Variants in GPC6 observed in about 807,000 individuals in gnomAD.
The protein encoded by GPC6 is glypican 6, also known as glypican-6.
GPC6 carries 14 observed loss-of-function variants against 55.2 expected under a neutral mutation model. That is an observed-to-expected ratio of 0.25 (90% CI 0.17 to 0.40). GPC6 has a LOEUF of 0.40. Among genes scored for constraint, GPC6 ranks in the 10% least tolerant of loss-of-function variants. GPC6 has a pLI of 1.00. For synonymous variants in GPC6, 278 were observed against 259.6 expected (o/e 1.07, Z -0.68); for missense variants, 641 against 708.5 (o/e 0.90, Z 1.08).
intron 1 of GPC6, among the ~76,000 whole-genome samples, chr13:93,461,627 G>A (rs1001684521): frequency 2.4e-5 from 3 of 126,536 alleles, no homozygotes; most frequent in African/African-American, 3.0e-5. Flanking sequence ...GCTAGTTCAA[G>A]CCATATGTTT....
At chr13:93,684,271 C>T (rs141123260) in intron 2 of GPC6, among the ~76,000 whole-genome samples, 147 of 152,152 alleles carry the variant, frequency 9.7e-4, no homozygotes, top group African/African-American at 3.4e-3. Flanking sequence ...CTGCAACCTG[C>T]GCCTCCTGGG....
At chr13:94,274,800 G>A (rs1594121586) in intron 4 of GPC6, among the ~76,000 whole-genome samples, 1 of 151,182 alleles carries the variant, frequency 6.6e-6, no homozygotes, top group Non-Finnish European at 1.5e-5. Context: ...AGAAGCAAAA[G>A]CAGCCACACT....
intron 1 of GPC6, among the ~76,000 whole-genome samples, chr13:93,406,801 G>A (rs1876309003): frequency 6.6e-6 from 1 of 152,066 alleles, no homozygotes; most frequent in African/African-American, 2.4e-5. Context: ...ACTCATTAAG[G>A]AACCATCAGA....
At position 94,032,357 on chromosome 13, in the gene GPC6, G is replaced by T. The variant is rs1489270446; in HGVS notation, c.877+4463G>T. Among the ~76,000 whole-genome samples the T allele has an allele frequency of 4.6e-5, 7 of 152,282 alleles. No homozygotes were observed. The South Asian group carries it at 1.5e-3, about 32-fold the overall frequency. On this transcript the variant is annotated intron_variant, in intron 4 of 8. Coordinates refer to ENST00000377047, the MANE Select transcript of GPC6 (RefSeq NM_005708.5). Reference sequence around the variant, plus strand: ...AGCTGGGGGACTTAACTTAGTCAGCGGGGAGTCAGAGAAGCCCTACTTTGT... The same window carrying T: ...AGCTGGGGGACTTAACTTAGTCAGCTGGGAGTCAGAGAAGCCCTACTTTGT...
intron 3 of GPC6, among the ~76,000 whole-genome samples, chr13:93,889,363 T>G (rs1232059483): frequency 6.6e-6 from 1 of 152,130 alleles, no homozygotes; most frequent in African/African-American, 2.4e-5. Context: ...TTTGCATCCT[T>G]CCACTTGGCA....
chr13:94,269,062 AATAAC>A (rs1891907425), intron 4 of GPC6, among the ~76,000 whole-genome samples: 1 of 152,152 alleles, frequency 6.6e-6, no homozygotes, highest in Admixed American at 6.5e-5. Context: ...TGAGGCGAAG[AATAAC>A]ATCGACCTCT....
At chr13:93,342,159 G>A (rs1433507000) in intron 1 of GPC6, among the ~76,000 whole-genome samples, 1 of 152,126 alleles carries the variant, frequency 6.6e-6, no homozygotes, top group African/African-American at 2.4e-5. Flanking sequence ...TATAAGGTGA[G>A]AGGTTAGGAT....
Position 94,239,946 on chromosome 13 carries a change from G to A in GPC6, c.878-46403G>A, listed in dbSNP as rs114619574. ...GACCAATGGACCCAGTTTTCCTTAG[G>A]AAGTGATGCTCACCTACTTTAAAAC... On this transcript the variant is annotated intron_variant, in intron 4 of 8. Coordinates refer to ENST00000377047, the MANE Select transcript of GPC6 (RefSeq NM_005708.5). Among the ~76,000 whole-genome samples, 1,291 of 152,132 alleles carry A rather than the reference G, an allele frequency of 8.5e-3. 19 individuals carry two copies. The highest frequency in any genetic ancestry group is 0.029 in the African/African-American group (1,208 of 41,514).
intron 6 of GPC6, among the ~76,000 whole-genome samples, chr13:94,377,432 A>T (rs1181415691): frequency 6.9e-6 from 1 of 143,888 alleles, no homozygotes; most frequent in African/African-American, 2.6e-5. Context: ...GCAGCCAAAA[A>T]ACACATGAAA....
At chr13:93,963,149 A>G (rs1408451863) in intron 3 of GPC6, among the ~76,000 whole-genome samples, 2 of 152,112 alleles carry the variant, frequency 1.3e-5, no homozygotes, top group Non-Finnish European at 2.9e-5. Flanking sequence ...TTTGTTCCCA[A>G]TCCTCTAGAT....
intron 1 of GPC6, among the ~76,000 whole-genome samples, chr13:93,488,111 C>A (rs1879800559): frequency 6.6e-6 from 1 of 152,018 alleles, no homozygotes; most frequent in Non-Finnish European, 1.5e-5. Context: ...TAATGCTATC[C>A]CTCCCCCCTC....
At chr13:94,146,326 T>A (rs1220146422) in intron 4 of GPC6, among the ~76,000 whole-genome samples, 1 of 152,168 alleles carries the variant, frequency 6.6e-6, no homozygotes, top group African/African-American at 2.4e-5. Flanking sequence ...AAAAAACAAG[T>A]TGTGTGACTT....
At chr13:93,933,241 T>C (rs1173350306) in intron 3 of GPC6, among the ~76,000 whole-genome samples, 1 of 152,150 alleles carries the variant, frequency 6.6e-6, no homozygotes, top group East Asian at 1.9e-4. Flanking sequence ...GGAGACATTT[T>C]TGGGTTGTGC....
At chr13:93,416,060 C>T (rs1009895884) in intron 1 of GPC6, among the ~76,000 whole-genome samples, 1 of 152,038 alleles carries the variant, frequency 6.6e-6, no homozygotes, top group East Asian at 1.9e-4. Flanking sequence ...TCATACATTG[C>T]CTCAGACTTA....
intron 2 of GPC6, among the ~76,000 whole-genome samples, chr13:93,703,786 C>T (rs894682625): frequency 6.6e-6 from 1 of 151,884 alleles, no homozygotes; most frequent in African/African-American, 2.4e-5. Context: ...ATCCCTAGGT[C>T]TGTGATTTTA....
chr13:94,327,171 G>A (rs1469490228), intron 6 of GPC6, among the ~76,000 whole-genome samples: 1 of 152,082 alleles, frequency 6.6e-6, no homozygotes, highest in East Asian at 1.9e-4. Context: ...AAAAATAAGG[G>A]CCACTGCCTT....
chr13:93,368,637 T>C (rs371576664), intron 1 of GPC6, among the ~76,000 whole-genome samples: 1 of 151,928 alleles, frequency 6.6e-6, no homozygotes, highest in African/African-American at 2.4e-5. Context: ...TCTCCAGACA[T>C]GGTGCTGCAC....
In GPC6 at chr13:93,761,749, T is replaced by A. The variant is rs879346154; in HGVS notation, c.320-68405T>A. 5.2e-4 allele frequency among the ~76,000 whole-genome samples: 79 copies of A among 152,272 alleles called. 1 individual carries two copies. The Middle Eastern group carries it at 0.017, about 33-fold the overall frequency. ...GCTATTTTTTATTTTTAATGAAAAA[T>A]TATTAATTAGATATATTTATGGGGT... is the stretch of plus-strand genomic sequence containing the variant. On this transcript the variant is annotated intron_variant, in intron 2 of 8. Coordinates refer to ENST00000377047, the MANE Select transcript of GPC6 (RefSeq NM_005708.5).
At chr13:93,967,303 G>A (rs561208897) in intron 3 of GPC6, among the ~76,000 whole-genome samples, 2 of 152,276 alleles carry the variant, frequency 1.3e-5, no homozygotes, top group South Asian at 4.1e-4. Context: ...TTATAATTCA[G>A]TGCTACATAT....
Sources: gnomAD v4.1 joint callset for allele counts (sites outside exome capture counted in the v4.1 genomes callset) on GRCh38, gnomAD v4.1.1 for gene constraint, MANE v1.5 for transcripts, NCBI Gene and HGNC (gene_info 2026-07-23, HGNC 2026-07-21) for gene names.